Variants in METTL22 observed in about 807,000 individuals in gnomAD.
METTL22 encodes the protein methyltransferase-like protein 22.
Under a neutral mutation model 48.4 loss-of-function variants are expected in METTL22, and 51 were observed. That is an observed-to-expected ratio of 1.05 (90% confidence interval 0.84 to 1.33). METTL22 has a LOEUF of 1.33. METTL22 is among the 40% of genes most tolerant of loss of function. METTL22 has a pLI of 0.00. For missense variants in METTL22, 678 were observed against 526.9 expected (o/e 1.29, Z -2.81); for synonymous variants, 255 against 214.1 (o/e 1.19, Z -1.67).
downstream of METTL22, among the ~76,000 whole-genome samples, chr16:8,649,977 G>A (rs570750109): frequency 1.2e-4 from 18 of 152,238 alleles, no homozygotes; most frequent in Admixed American, 9.8e-4. Flanking sequence ...GATGATGCTC[G>A]TCTGTGGGCC....
Position 8,639,886 on chromosome 16 carries a change from C to G in METTL22, c.772+724C>G, listed in dbSNP as rs183384267. On this transcript the variant is annotated intron_variant, in intron 6 of 10. Coordinates refer to ENST00000381920, the MANE Select transcript of METTL22 (RefSeq NM_024109.4). ...TCTGGCCCCTGTCTGTCTGCAGCGC[C>G]CCCCACCACCAACAGCCGACCTCAC... Among the ~76,000 whole-genome samples the G allele has an allele frequency of 5.9e-5, 9 of 152,160 alleles. No homozygotes were observed. The East Asian group carries it at 1.6e-3, about 26-fold the overall frequency.
chr16:8,642,631 T>TAGGAG (rs2056659715), intron 9 of METTL22, 66 bp downstream of exon 9: 1 of 1,444,482 alleles, frequency 6.9e-7, no homozygotes, highest in Non-Finnish European at 9.7e-7. Flanking sequence ...ACCTCCTAAT[T>TAGGAG]GTGTCCTTGT....
chr16:8,637,028 G>A (rs2056444895), intron 5 of METTL22, among the ~76,000 whole-genome samples: 1 of 152,202 alleles, frequency 6.6e-6, no homozygotes, highest in South Asian at 2.1e-4. Context: ...ACGTGCCAGA[G>A]TGCTTTCTTT....
chr16:8,653,532 A>G (rs2056927421), downstream of METTL22, among the ~76,000 whole-genome samples: 1 of 152,222 alleles, frequency 6.6e-6, no homozygotes, highest in Admixed American at 6.5e-5. Flanking sequence ...CTATTCTTTC[A>G]TCAGTGATTA....
chr16:8,635,259 C>A lies in METTL22; in HGVS notation c.647C>A (p.Thr216Lys). ...GCTALELGAG[T>K]GLASIIAATM... ...ACAGCGCTGGAGCTCGGGGCCGGCACGGGGCTCGCTAGCATCATCGCAGCC... is the reference window on the plus strand; with the variant it reads ...ACAGCGCTGGAGCTCGGGGCCGGCAAGGGGCTCGCTAGCATCATCGCAGCC... The change falls in exon 5 of 11, where the codon ACG (threonine) becomes AAG (lysine). Residue 216 changes from threonine to lysine, a missense_variant. By Grantham distance (78) the Thr-to-Lys change is moderately conservative. Coordinates refer to ENST00000381920, the MANE Select transcript of METTL22 (RefSeq NM_024109.4). The A allele has an allele frequency of 2.5e-6, 4 of 1,607,462 alleles. No homozygotes were observed. In the East Asian group the frequency reaches 8.9e-5, roughly 36 times the overall value.
chr16:8,636,407 G>A (rs992513002), intron 5 of METTL22, among the ~76,000 whole-genome samples: 8 of 151,754 alleles, frequency 5.3e-5, no homozygotes, highest in East Asian at 1.9e-4. Flanking sequence ...TGGTAGCGGC[G>A]GGCACCTGTA....
At chr16:8,635,367 AC>A in intron 5 of METTL22, 55 bp downstream of exon 5, 1 of 1,483,330 alleles carries the variant, frequency 6.7e-7, no homozygotes, top group Non-Finnish European at 8.9e-7. Flanking sequence ...CAAAGCATGC[AC>A]TGACTGTATA....
At chr16:8,655,433 A>T in the METTL22 span, among the ~76,000 whole-genome samples, 3 of 152,244 alleles carry the variant, frequency 2.0e-5, no homozygotes, top group Non-Finnish European at 4.4e-5. Context: ...CCTCTGATAA[A>T]GCCAGGACAT....
chr16:8,625,995 G>C (rs2056038058), intron 2 of METTL22, among the ~76,000 whole-genome samples, 197 bp downstream of exon 2: 1 of 151,988 alleles, frequency 6.6e-6, no homozygotes, highest in African/African-American at 2.4e-5. Flanking sequence ...GGTTTGTTTT[G>C]CTTTTGTTTT....
chr16:8,636,066 C>G (rs1394321169), intron 5 of METTL22, among the ~76,000 whole-genome samples: 1 of 152,132 alleles, frequency 6.6e-6, no homozygotes, highest in Admixed American at 6.6e-5. Context: ...ACCTTCCACT[C>G]AAATAGTGAA....
intron 7 of METTL22, chr16:8,641,751 C>T (rs779215480): frequency 5.5e-4 from 227 of 409,502 alleles, no homozygotes; most frequent in Non-Finnish European, 8.7e-4. Flanking sequence ...CCCAATAGTC[C>T]TGTGAGGAAG....
Position 8,639,126 on chromosome 16 carries a change from A to C in METTL22, c.736A>C (p.Asn246His). The change falls in exon 6 of 11, where the codon AAC becomes CAC. Residue 246 changes from asparagine to histidine, a missense_variant. Coordinates refer to ENST00000381920, the MANE Select transcript of METTL22 (RefSeq NM_024109.4). ...AGATCTCTTGTCCATGTGCCAGCGA[A>C]ACATTGCCCTCAACAGCCACCTGGC... Reference protein sequence around the residue: ...GADLLSMCQRNIALNSHLAAT... With the variant: ...GADLLSMCQRHIALNSHLAAT... The C allele has an allele frequency of 6.2e-7, 1 of 1,614,034 alleles. No homozygotes were observed. The highest frequency in any genetic ancestry group is 8.5e-7 in the Non-Finnish European group (1 of 1,180,006).
At chr16:8,635,455 A>C in intron 5 of METTL22, 143 bp downstream of exon 5, 9 of 989,124 alleles carry the variant, frequency 9.1e-6, no homozygotes, top group Non-Finnish European at 1.1e-5. Context: ...GGCCCTCTCC[A>C]CTCTCCATTT....
chr16:8,651,423 A>C (rs1455159995), downstream of METTL22, among the ~76,000 whole-genome samples: 3 of 149,730 alleles, frequency 2.0e-5, no homozygotes, highest in African/African-American at 7.4e-5. Flanking sequence ...TGATCCATGA[A>C]AGATGCCTAG....
chr16:8,628,598 T>C, intron 2 of METTL22, 132 bp from the exon 3 acceptor site: 1 of 1,251,388 alleles, frequency 8.0e-7, no homozygotes, highest in Non-Finnish European at 1.1e-6. Flanking sequence ...CCTTTTCTGC[T>C]GGCATTAGTA....
the METTL22 span, among the ~76,000 whole-genome samples, chr16:8,660,250 C>A: frequency 6.6e-6 from 1 of 152,066 alleles, no homozygotes; most frequent in Non-Finnish European, 1.5e-5. Context: ...GATCTCAGCT[C>A]ACTGCAGCCT....
At chr16:8,627,422 C>T (rs2141695738) in intron 2 of METTL22, among the ~76,000 whole-genome samples, 1 of 152,200 alleles carries the variant, frequency 6.6e-6, no homozygotes. Context: ...CACCTGCTTT[C>T]CTCCCCTCCT....
chr16:8,660,366 T>TG, the METTL22 span, among the ~76,000 whole-genome samples: 34 of 151,170 alleles, frequency 2.2e-4, no homozygotes, highest in African/African-American at 7.8e-4. Flanking sequence ...TTAGTAGAGA[T>TG]GGGGGTTTCA....
intron 9 of METTL22, among the ~76,000 whole-genome samples, chr16:8,644,204 G>A (rs756862909): frequency 7.9e-5 from 12 of 152,128 alleles, no homozygotes; most frequent in Admixed American, 3.9e-4. Context: ...ATAGTTATGC[G>A]CAGCTCCAGG....
Sources: gnomAD v4.1 joint callset for allele counts (sites outside exome capture counted in the v4.1 genomes callset) on GRCh38, gnomAD v4.1.1 for gene constraint, MANE v1.5 for transcripts, NCBI Gene and HGNC (gene_info 2026-07-23, HGNC 2026-07-21) for gene names.